SPATA13: variants seen among roughly 807,000 people sequenced by gnomAD.
SPATA13 encodes spermatogenesis-associated protein 13.
SPATA13 carries 50 observed loss-of-function variants against 104.0 expected under a neutral mutation model. That is an observed-to-expected ratio of 0.48 (90% CI 0.38 to 0.61). The LOEUF is 0.61. Ranked by LOEUF, SPATA13 falls within the 20% of genes least tolerant of loss-of-function variation. The pLI, the probability that SPATA13 is intolerant of heterozygous loss-of-function variation, is 0.00. For missense variants in SPATA13, 1,524 were observed against 1,690.6 expected, an observed-to-expected ratio of 0.90 and a Z score of 1.73; for synonymous variants, 606 against 667.5, an observed-to-expected ratio of 0.91 and a Z score of 1.42.
At chr13:24,040,740 A>G (rs569183227) in intron 3 of SPATA13, among the ~76,000 whole-genome samples, 1 of 152,204 alleles carries the variant, frequency 6.6e-6, no homozygotes, top group Non-Finnish European at 1.5e-5. Flanking sequence ...GGGTCGCTTC[A>G]AGGCACCCCA....
At chr13:24,154,175 G>A (rs1882187842) in intron 3 of SPATA13, among the ~76,000 whole-genome samples, 1 of 152,102 alleles carries the variant, frequency 6.6e-6, no homozygotes, top group African/African-American at 2.4e-5. Flanking sequence ...ATGCACACCT[G>A]ATAGTCTGGC....
intron 3 of SPATA13, among the ~76,000 whole-genome samples, chr13:24,104,405 C>G (rs564743573): frequency 6.6e-6 from 1 of 152,290 alleles, no homozygotes; most frequent in Admixed American, 6.5e-5. Context: ...TTACAATTCT[C>G]AAGGCAGGCA....
chr13:24,054,515 T>A (rs1451371706), intron 3 of SPATA13, among the ~76,000 whole-genome samples: 1 of 152,196 alleles, frequency 6.6e-6, no homozygotes, highest in Non-Finnish European at 1.5e-5. Context: ...TAAGCTTAGC[T>A]GTCTAATGTG....
rs144328737 is a variant in SPATA13, at chr13:24,032,280, A to G, written c.-112+14579A>G. Among the ~76,000 whole-genome samples the G allele has an allele frequency of 1.6e-3, 240 of 152,298 alleles. 1 individual carries two copies. The highest frequency in any genetic ancestry group is 5.3e-3 in the African/African-American group (222 of 41,570). ...TTCCCACTTGCCCATGCTGTATTCA[A>G]CACTGAGCCTGCTCTCTCTCCCCTA... is the stretch of plus-strand genomic sequence containing the variant. On this transcript the variant is annotated intron_variant, in intron 3 of 14. Transcript: ENST00000424834.
chr13:24,237,082 G>A (rs1005829026), intron 2 of SPATA13, among the ~76,000 whole-genome samples: 2 of 152,288 alleles, frequency 1.3e-5, no homozygotes, highest in East Asian at 3.9e-4. Flanking sequence ...CTGCAGGCTG[G>A]GCGCAGGGCT....
At chr13:24,128,926 C>G (rs184000622) in intron 3 of SPATA13, among the ~76,000 whole-genome samples, 9 of 152,194 alleles carry the variant, frequency 5.9e-5, no homozygotes, top group Admixed American at 3.3e-4. Context: ...CACCCAAGAT[C>G]AAGTAATGAT....
chr13:24,106,745 G>T (rs1437639208), intron 3 of SPATA13, among the ~76,000 whole-genome samples: 1 of 152,134 alleles, frequency 6.6e-6, no homozygotes, highest in Non-Finnish European at 1.5e-5. Context: ...CTTTACAGAG[G>T]TCCCACATGA....
At chr13:24,105,084 A>T (rs1880393535) in intron 3 of SPATA13, among the ~76,000 whole-genome samples, 3 of 151,592 alleles carry the variant, frequency 2.0e-5, no homozygotes, top group African/African-American at 4.9e-5. Flanking sequence ...TCTTACCTCC[A>T]CTATGGTACC....
chr13:24,121,788 A>C (rs531758523), intron 3 of SPATA13, among the ~76,000 whole-genome samples: 5 of 152,280 alleles, frequency 3.3e-5, no homozygotes, highest in African/African-American at 1.2e-4. Context: ...CCACAGTGTC[A>C]CTTTGAAGCT....
At chr13:24,068,838 T>A (rs1879060199) in intron 3 of SPATA13, among the ~76,000 whole-genome samples, 1 of 152,228 alleles carries the variant, frequency 6.6e-6, no homozygotes, top group African/African-American at 2.4e-5. Context: ...TCTGTTCATG[T>A]CCTTTTCCCA....
intron 10 of SPATA13, among the ~76,000 whole-genome samples, chr13:24,296,810 A>T (rs896077046): frequency 6.6e-6 from 1 of 152,120 alleles, no homozygotes; most frequent in Non-Finnish European, 1.5e-5. Context: ...AAGCAGGAAA[A>T]AAAAAAGAAA....
rs185391183 is a variant in SPATA13, at chr13:24,281,833, G to A, written c.2165-2302G>A. Among the ~76,000 whole-genome samples the A allele has an allele frequency of 2.3e-3, 347 of 152,264 alleles. 5 individuals carry two copies. Among genetic ancestry groups the A allele is most frequent in the African/African-American group, 5.5e-3 (228 of 41,564 alleles). On this transcript the variant is annotated intron_variant, in intron 4 of 12. Coordinates refer to ENST00000382108, the MANE Select transcript of SPATA13 (RefSeq NM_001166271.3). ...CTGGGGCCGGGCTGGGAGAGGCGCCGCTGGCAGCACGTGCACACCTTCCTG... is the reference window on the plus strand; with the variant it reads ...CTGGGGCCGGGCTGGGAGAGGCGCCACTGGCAGCACGTGCACACCTTCCTG...
chr13:24,042,575 G>A (rs903265516), intron 3 of SPATA13, among the ~76,000 whole-genome samples: 1 of 152,242 alleles, frequency 6.6e-6, no homozygotes, highest in Non-Finnish European at 1.5e-5. Flanking sequence ...ATCTATGCCC[G>A]TGCGCGAACT....
chr13:24,109,325 A>G (rs1038653265), intron 3 of SPATA13, among the ~76,000 whole-genome samples: 2 of 152,170 alleles, frequency 1.3e-5, no homozygotes, highest in Non-Finnish European at 2.9e-5. Context: ...TCCATGGTGG[A>G]TATGTGCCAC....
At chr13:24,014,993 C>G (rs1396728430) in intron 2 of SPATA13, among the ~76,000 whole-genome samples, 1 of 147,932 alleles carries the variant, frequency 6.8e-6, no homozygotes, top group African/African-American at 2.5e-5. Context: ...TGGGTTGATG[C>G]CATTCTCCTG....
At chr13:24,026,874 T>G (rs1170214710) in intron 3 of SPATA13, among the ~76,000 whole-genome samples, 2 of 152,204 alleles carry the variant, frequency 1.3e-5, no homozygotes, top group African/African-American at 4.8e-5. Flanking sequence ...AGTGTTGGGA[T>G]TACAGGCGTG....
intron 3 of SPATA13, among the ~76,000 whole-genome samples, chr13:24,063,628 T>C (rs1039458902): frequency 6.6e-6 from 1 of 152,138 alleles, no homozygotes; most frequent in Non-Finnish European, 1.5e-5. Context: ...ATTACACAGC[T>C]TCCCTGAGCC....
chr13:24,170,245 A>C (rs1280317427), intron 1 of SPATA13, among the ~76,000 whole-genome samples: 1 of 152,134 alleles, frequency 6.6e-6, no homozygotes, highest in Non-Finnish European at 1.5e-5. Flanking sequence ...CCTGAGGGCT[A>C]CTTTTAAGCC....
rs1027228868 is a variant in SPATA13 at position 24,075,419 on chromosome 13, T to C, written c.-112+57718T>C. ...ACAGAAAGTCTTGTAATAATAAAAG[T>C]AAAAATAAAACAAATGTTAATAAAG... On this transcript the variant is annotated intron_variant, in intron 3 of 14. Coordinates refer to the SPATA13 transcript ENST00000424834. Among the ~76,000 whole-genome samples, 4 of 152,170 alleles carry C rather than the reference T, an allele frequency of 2.6e-5. No homozygotes were observed. In the East Asian group the frequency reaches 7.7e-4, roughly 29 times the overall value.
Sources: allele counts gnomAD v4.1 joint callset (sites outside exome capture counted in the v4.1 genomes callset), GRCh38; gene constraint gnomAD v4.1.1; transcripts MANE v1.5; gene names NCBI Gene and HGNC (gene_info 2026-07-23, HGNC 2026-07-21).